The following STXBP6 variants were observed in gnomAD, a reference collection of about 807,000 sequenced individuals.
STXBP6 encodes syntaxin-binding protein 6.
A neutral mutation model predicts 26.9 loss-of-function variants in STXBP6; 21 were observed. The ratio of observed to expected loss-of-function variants is 0.78; its 90% CI spans 0.55 to 1.12. The LOEUF (loss-of-function observed/expected upper bound fraction) is 1.12, where lower values mean the gene tolerates loss of function less well. Ranked by LOEUF, STXBP6 falls within the 50% of genes most tolerant of loss-of-function variation. STXBP6 has a pLI of 0.00. For synonymous variants in STXBP6, 97 were observed against 92.6 expected, an observed-to-expected ratio of 1.05 and a Z score of -0.27; for missense variants, 232 against 257.9, an observed-to-expected ratio of 0.90 and a Z score of 0.69.
In STXBP6 at chr14:25,049,849, C is replaced by A. The variant is rs2075779244; in HGVS notation, c.-33+29G>T. On this transcript the variant is annotated intron_variant, in intron 1 of 5. Transcript: ENST00000323944. This position sits in a 1 kb window ranked among gnomAD's most constrained non-coding sequence, Gnocchi z 5.6. ...CTCCCGGGCTTGGCCTCCGCCCTGA[C>A]CGCCTGGCTCCCCTCGCCCCGGTCC... 1.0e-6 allele frequency: 1 copy of A among 985,590 alleles called. No homozygotes were observed. Among genetic ancestry groups the A allele is most frequent in the Non-Finnish European group, 1.2e-6 (1 of 830,140 alleles). The allele number at this position is 985,590 out of a possible 1,614,324, so 61.1% of individuals were successfully genotyped here. A position where few individuals can be genotyped will look rare whatever the true frequency, so the allele number is the denominator to read the frequency against.
intron 1 of STXBP6, among the ~76,000 whole-genome samples, chr14:25,038,803 G>A (rs1287645692): frequency 2.6e-5 from 4 of 151,750 alleles, no homozygotes; most frequent in African/African-American, 4.8e-5. Context: ...GTGTACCCTC[G>A]AAACTAAAAG....
chr14:24,924,580 G>A lies in STXBP6; in HGVS notation c.154+50085C>T, dbSNP rs375172384. 5.3e-5 allele frequency among the ~76,000 whole-genome samples: 8 copies of A among 152,256 alleles called. No individual in the cohort carries two copies. The East Asian group carries it at 1.4e-3, about 26-fold the overall frequency. On this transcript the variant is annotated intron_variant, in intron 2 of 5. Coordinates refer to ENST00000323944, the MANE Select transcript of STXBP6 (RefSeq NM_001394410.1). ...TCCAGCTTTAGTTCTTATTCATTAAGAATAAGAATCGTTTGGTGCCCATTT... is the reference window on the plus strand; with the variant it reads ...TCCAGCTTTAGTTCTTATTCATTAAAAATAAGAATCGTTTGGTGCCCATTT...
intron 4 of STXBP6, among the ~76,000 whole-genome samples, chr14:24,835,524 T>G (rs1341666174): frequency 1.3e-5 from 2 of 152,182 alleles, no homozygotes; most frequent in Non-Finnish European, 2.9e-5. Flanking sequence ...CCTAGAAGTA[T>G]GTAATGAATA....
At chr14:24,826,700 G>T (rs2068295156) in intron 4 of STXBP6, among the ~76,000 whole-genome samples, 1 of 152,016 alleles carries the variant, frequency 6.6e-6, no homozygotes, top group Non-Finnish European at 1.5e-5. Flanking sequence ...TCTTTCTGTT[G>T]GCTTCTAAAA....
chr14:24,973,918 A>C (rs2073974379), intron 2 of STXBP6, among the ~76,000 whole-genome samples: 1 of 152,220 alleles, frequency 6.6e-6, no homozygotes, highest in Non-Finnish European at 1.5e-5. Context: ...ATAAACTAAA[A>C]TAAGCTTAAA....
At chr14:24,858,647 T>C (rs2069425258) in intron 2 of STXBP6, among the ~76,000 whole-genome samples, 1 of 152,152 alleles carries the variant, frequency 6.6e-6, no homozygotes, top group African/African-American at 2.4e-5. Flanking sequence ...ATTCAGGCAG[T>C]ATTACCAGTC....
intron 2 of STXBP6, among the ~76,000 whole-genome samples, chr14:24,925,372 G>A (rs1362314673): frequency 6.6e-6 from 1 of 152,192 alleles, no homozygotes; most frequent in Non-Finnish European, 1.5e-5. Context: ...ACAAGTGAAG[G>A]TAAGCAGGAT....
In STXBP6 at chr14:24,809,854, C is replaced by T. The variant is rs2067771815; in HGVS notation, c.*2855G>A. On this transcript the variant is annotated 3_prime_UTR_variant, in exon 6 of 6. Coordinates refer to ENST00000323944, the MANE Select transcript of STXBP6 (RefSeq NM_001394410.1). ...AGAGCTAAACCTATCTTTAATGCCC[C>T]TTATTTAGAGCATCCTGTAAATAAT... The T allele has an allele frequency of 6.6e-6, 1 of 152,128 alleles. No individual in the cohort carries two copies. The highest frequency in any genetic ancestry group is 2.1e-4 in the South Asian group (1 of 4,822). The allele number at this position is 152,128 out of a possible 1,614,324, so 9.4% of individuals were successfully genotyped here.
At chr14:25,003,547 GA>G (rs1430866235) in intron 1 of STXBP6, among the ~76,000 whole-genome samples, 1 of 152,210 alleles carries the variant, frequency 6.6e-6, no homozygotes, top group Non-Finnish European at 1.5e-5. Context: ...TACCGGGCAG[GA>G]AAAGATGAAT....
At chr14:24,977,306 GAA>G in intron 1 of STXBP6, among the ~76,000 whole-genome samples, 1 of 152,136 alleles carries the variant, frequency 6.6e-6, no homozygotes, top group South Asian at 2.1e-4. Flanking sequence ...AAAAAGGAAA[GAA>G]AGAGATAATG....
At chr14:25,018,958 GCAATTTAACT>G (rs1295898558) in intron 1 of STXBP6, among the ~76,000 whole-genome samples, 2 of 152,132 alleles carry the variant, frequency 1.3e-5, no homozygotes, top group Non-Finnish European at 2.9e-5. Flanking sequence ...CTCCTTGGCT[GCAATTTAACT>G]CAATTCCTTT....
chr14:24,912,654 T>C (rs2071616562), intron 2 of STXBP6, among the ~76,000 whole-genome samples: 1 of 152,094 alleles, frequency 6.6e-6, no homozygotes, highest in African/African-American at 2.4e-5. Flanking sequence ...GAGGTACAAG[T>C]GAGTAAATGT....
At chr14:24,954,693 T>A (rs191175005) in intron 2 of STXBP6, among the ~76,000 whole-genome samples, 39 of 152,300 alleles carry the variant, frequency 2.6e-4, no homozygotes, top group Admixed American at 1.8e-3. Context: ...GGGCAGGACA[T>A]AGGTCATCTT....
chr14:24,926,391 ATC>A (rs2072171739), intron 2 of STXBP6, among the ~76,000 whole-genome samples: 1 of 152,074 alleles, frequency 6.6e-6, no homozygotes, highest in South Asian at 2.1e-4. Flanking sequence ...AGTCCTGTGG[ATC>A]TCTCTCTGCC....
chr14:24,854,097 G>C (rs2069245549), intron 4 of STXBP6, among the ~76,000 whole-genome samples: 1 of 152,068 alleles, frequency 6.6e-6, no homozygotes, highest in African/African-American at 2.4e-5. Flanking sequence ...AACTGTAATT[G>C]AATGAAGGAA....
intron 2 of STXBP6, among the ~76,000 whole-genome samples, chr14:24,922,645 A>G (rs2072021673): frequency 6.6e-6 from 1 of 152,102 alleles, no homozygotes; most frequent in Non-Finnish European, 1.5e-5. Context: ...CAGCCTTGAC[A>G]CCAGGTAAAT....
rs2068065166 is a variant in STXBP6 at position 24,819,079 on chromosome 14, G to A, written c.567C>T (p.Asp189=). The change falls in exon 5 of 6, where the codon GAC becomes GAT. Residue 189 remains aspartate, a synonymous_variant. Coordinates refer to ENST00000323944, the MANE Select transcript of STXBP6 (RefSeq NM_001394410.1). ...CAAACTGCTGGGCGCTGTTCTTCAG[G>A]TCTTCTGTCTTCTCCTCTGCTCGGC... The part of the protein sequence containing the change: ...RLGRAEEKTE[D]LKNSAQQFAE... 1 of 1,612,654 alleles carries A rather than the reference G, an allele frequency of 6.2e-7. No individual in the cohort carries two copies. The highest frequency in any genetic ancestry group is 1.3e-5 in the African/African-American group (1 of 75,032).
At chr14:24,867,915 T>G (rs1322991588) in intron 2 of STXBP6, among the ~76,000 whole-genome samples, 1 of 152,170 alleles carries the variant, frequency 6.6e-6, no homozygotes, top group Non-Finnish European at 1.5e-5. Flanking sequence ...AACTTGTATC[T>G]GCCGGGCATA....
chr14:24,829,684 A>ATT (rs71121804), intron 4 of STXBP6, among the ~76,000 whole-genome samples: 1 of 144,364 alleles, frequency 6.9e-6, no homozygotes. Context: ...TCATTGAACT[A>ATT]TTTTTTTTTT....
Sources: gnomAD v4.1 joint callset for allele counts (sites outside exome capture counted in the v4.1 genomes callset) on GRCh38, gnomAD v4.1.1 for gene constraint, Gnocchi (gnomAD v3.1) non-coding constraint, MANE v1.5 for transcripts, NCBI Gene and HGNC (gene_info 2026-07-23, HGNC 2026-07-21) for gene names.